RAB33A: variants seen among roughly 807,000 people sequenced by gnomAD.
RAB33A encodes the protein RAB33A, member RAS oncogene family.
A neutral mutation model predicts 12.0 loss-of-function variants in RAB33A; 6 were observed. That is an observed-to-expected ratio of 0.50 (90% confidence interval 0.27 to 0.99). The LOEUF (loss-of-function observed/expected upper bound fraction) is 0.99. Among genes scored for constraint, RAB33A ranks in the 50% least tolerant of loss-of-function variants. RAB33A has a pLI of 0.11. For synonymous variants in RAB33A, 70 were observed against 82.4 expected (o/e 0.85, Z 0.81); for missense variants, 109 against 192.0 (o/e 0.57, Z 2.55).
chrX:130,153,792 C>A, the RAB33A span, among the ~76,000 whole-genome samples: 2 of 111,729 alleles, frequency 1.8e-5, no homozygotes, highest in African/African-American at 6.5e-5. Flanking sequence ...AGAGCCCTCA[C>A]CAGAAACTGA....
the RAB33A span, among the ~76,000 whole-genome samples, chrX:130,111,800 A>G: frequency 8.9e-6 from 1 of 111,761 alleles, no homozygotes; most frequent in African/African-American, 3.3e-5. Context: ...CTCCCCTTCT[A>G]TCTCCCCTTT....
At chrX:130,159,892 C>G in the RAB33A span, among the ~76,000 whole-genome samples, 1 of 109,187 alleles carries the variant, frequency 9.2e-6, no homozygotes, top group Non-Finnish European at 1.9e-5. Context: ...ACAATCTCGG[C>G]TCACTGCAAC....
the RAB33A span, among the ~76,000 whole-genome samples, chrX:130,117,105 G>T: frequency 2.7e-5 from 3 of 111,783 alleles, no homozygotes; most frequent in African/African-American, 6.5e-5. Context: ...TCCCAGCTAC[G>T]CGGGAGGCTG....
chrX:130,159,490 G>A, the RAB33A span, among the ~76,000 whole-genome samples: 4 of 111,970 alleles, frequency 3.6e-5, no homozygotes, highest in South Asian at 1.1e-3. Context: ...GTAGAAAGTG[G>A]TAACTCTCAG....
At chrX:130,120,218 TG>T in the RAB33A span, among the ~76,000 whole-genome samples, 3 of 110,507 alleles carry the variant, frequency 2.7e-5, no homozygotes, top group South Asian at 3.7e-4. Context: ...TTTTTTGTTT[TG>T]TTTTTTTGTT....
chrX:130,138,621 G>A, the RAB33A span: 22 of 1,207,708 alleles, frequency 1.8e-5, no homozygotes, highest in African/African-American at 1.2e-4. Context: ...AGGCCAGTTC[G>A]CTACCAAGGA....
chrX:130,130,032 C>T, the RAB33A span: 3 of 1,211,747 alleles, frequency 2.5e-6, no homozygotes, highest in Non-Finnish European at 3.3e-6. Flanking sequence ...ACCACTTTGT[C>T]CCTGAGGTAG....
At chrX:130,133,603 AAC>A in the RAB33A span, 2 of 759,288 alleles carry the variant, frequency 2.6e-6, no homozygotes, top group Non-Finnish European at 3.8e-6. Flanking sequence ...TACTTAAACT[AAC>A]AAAAACAGCT....
At position 130,172,031 on chromosome X, in the gene RAB33A, G is replaced by A; in HGVS notation, c.-32G>A. ...GTTCTCTTTGTGTGGAGCCCTCAAG[G>A]GGGGTTGGGGCCCCGGTTCGGTCCG... On this transcript the variant is annotated 5_prime_UTR_variant, in exon 1 of 2. Transcript: ENST00000257017. 2 of 1,184,578 alleles carry A rather than the reference G, an allele frequency of 1.7e-6. No individual in the cohort carries two copies. The highest frequency in any genetic ancestry group is 2.3e-6 in the Non-Finnish European group (2 of 883,561).
chrX:130,168,635 G>A (rs1400277778), upstream of RAB33A, among the ~76,000 whole-genome samples: 1 of 111,536 alleles, frequency 9.0e-6, no homozygotes, highest in Non-Finnish European at 1.9e-5. Flanking sequence ...AAGCAATCCT[G>A]CTGCCTCAGC....
At chrX:130,139,264 G>A in the RAB33A span, among the ~76,000 whole-genome samples, 18 of 109,943 alleles carry the variant, frequency 1.6e-4, no homozygotes, top group Non-Finnish European at 2.8e-4. Context: ...CCCGGGAGGC[G>A]GAGGTTGCAG....
At chrX:130,174,664 A>C (rs1326929110) in intron 1 of RAB33A, among the ~76,000 whole-genome samples, 1 of 111,837 alleles carries the variant, frequency 8.9e-6, no homozygotes, top group African/African-American at 3.3e-5. Context: ...CAGCAATAGA[A>C]GGCTTTTGGG....
intron 1 of RAB33A, 48 bp downstream of exon 1, chrX:130,172,368 C>T (rs747493410): frequency 1.8e-5 from 21 of 1,156,819 alleles, no homozygotes; most frequent in Non-Finnish European, 2.4e-5. Flanking sequence ...GGGAGGGGAC[C>T]TCGCCCGAGG....
the RAB33A span, among the ~76,000 whole-genome samples, chrX:130,162,428 C>T: frequency 8.9e-6 from 1 of 111,973 alleles, no homozygotes; most frequent in East Asian, 2.8e-4. Context: ...GTTCTCTACT[C>T]GATTCACATG....
chrX:130,131,935 C>G, the RAB33A span: 1 of 763,183 alleles, frequency 1.3e-6, no homozygotes, highest in South Asian at 2.3e-5. Flanking sequence ...GCAATGGGTG[C>G]GAACTCAGTT....
At chrX:130,159,145 A>T in the RAB33A span, among the ~76,000 whole-genome samples, 3 of 112,086 alleles carry the variant, frequency 2.7e-5, no homozygotes, top group Admixed American at 2.9e-4. Context: ...TTTTAAAAAG[A>T]TTATAAAGTA....
chrX:130,160,514 T>C, the RAB33A span, among the ~76,000 whole-genome samples: 1 of 112,403 alleles, frequency 8.9e-6, no homozygotes, highest in Non-Finnish European at 1.9e-5. Context: ...TAAATATTTG[T>C]TGAATTAATG....
At chrX:130,177,092 ATCC>A (rs1226984553) in intron 1 of RAB33A, among the ~76,000 whole-genome samples, 9 of 112,040 alleles carry the variant, frequency 8.0e-5, no homozygotes, top group African/African-American at 2.6e-4. Context: ...GTGCCCCTCC[ATCC>A]TCCTCCAGCA....
the RAB33A span, among the ~76,000 whole-genome samples, chrX:130,166,870 G>A: frequency 8.9e-6 from 1 of 111,918 alleles, no homozygotes; most frequent in Non-Finnish European, 1.9e-5. Context: ...TTTATGATGG[G>A]TTTATCAGGG....
Sources: gnomAD v4.1 joint callset for allele counts (sites outside exome capture counted in the v4.1 genomes callset) on GRCh38, gnomAD v4.1.1 for gene constraint, MANE v1.5 for transcripts, NCBI Gene and HGNC (gene_info 2026-07-23, HGNC 2026-07-21) for gene names.